HYDIN: variants seen among roughly 807,000 people sequenced by gnomAD.
HYDIN encodes the protein axonemal central pair apparatus protein HYDIN.
Under a neutral mutation model 403.9 loss-of-function variants are expected in HYDIN, and 132 were observed. The ratio of observed to expected loss-of-function variants is 0.33; its 90% confidence interval spans 0.28 to 0.38. The LOEUF (loss-of-function observed/expected upper bound fraction) is 0.38. Among genes scored for constraint, HYDIN ranks in the 10% least tolerant of loss-of-function variants. The probability of loss-of-function intolerance (pLI) is 1.00; values close to 1 mark genes in which losing one functional copy is unlikely to be tolerated. For missense variants in HYDIN, 2,827 were observed against 5,009.5 expected (o/e 0.56, Z 13.15); for synonymous variants, 1,202 against 1,891.7 (o/e 0.64, Z 9.46).
chr16:71,113,752 C>T (rs1167082600), intron 10 of HYDIN: 1 of 152,016 alleles, frequency 6.6e-6, no homozygotes, highest in African/African-American at 2.4e-5. Flanking sequence ...TACCACCACA[C>T]TTGATTAAGT....
rs528317948 is a variant in HYDIN, at chr16:71,012,962, C to T, written c.3644+5167G>A. On this transcript the variant is annotated intron_variant, in intron 23 of 85. Coordinates refer to ENST00000393567, the MANE Select transcript of HYDIN (RefSeq NM_001270974.2). ...CTCAAGCCAGGTATGAAATGATCTC[C>T]TTCTCTCTACAAATACCCAGGTGGG... is the stretch of plus-strand genomic sequence containing the variant. Among the ~76,000 whole-genome samples the T allele has an allele frequency of 1.3e-5, 2 of 148,222 alleles. 1 individual carries two copies. Among genetic ancestry groups the T allele is most frequent in the South Asian group, 4.5e-4 (2 of 4,396 alleles).
At chr16:71,118,722 G>A (rs2084145543) in intron 9 of HYDIN, among the ~76,000 whole-genome samples, 1 of 150,756 alleles carries the variant, frequency 6.6e-6, no homozygotes, top group African/African-American at 2.4e-5. Context: ...TAAATATCTG[G>A]CCCCTTTTGA....
At chr16:70,808,363 T>C (rs117683195) in intron 85 of HYDIN, among the ~76,000 whole-genome samples, 3 of 152,148 alleles carry the variant, frequency 2.0e-5, no homozygotes, top group African/African-American at 7.2e-5. Context: ...GTTCTTTCCT[T>C]CCATGTACAT....
intron 7 of HYDIN, among the ~76,000 whole-genome samples, chr16:71,140,843 A>G (rs2144547430): frequency 6.6e-6 from 1 of 151,874 alleles, no homozygotes; most frequent in African/African-American, 2.4e-5. Flanking sequence ...ATAACAATGT[A>G]AAATTTCTGA....
rs754565977 is a variant in HYDIN at position 70,974,024 on chromosome 16, G to A, written c.5038-4C>T. 1.8e-5 allele frequency: 14 copies of A among 757,194 alleles called. No individual in the cohort carries two copies. Among genetic ancestry groups the A allele is most frequent in the Non-Finnish European group, 2.9e-5 (14 of 485,896 alleles). 46.9% of individuals were successfully genotyped at this position (757,194 alleles called of 1,614,324 possible). A position where few individuals can be genotyped will look rare whatever the true frequency, so the allele number is the denominator to read the frequency against. ...GAACTGTTGGCCCTCCAACCACCTAGAGAGGGTATAAACTGCAGTTATCAT... is the reference window on the plus strand; with the variant it reads ...GAACTGTTGGCCCTCCAACCACCTAAAGAGGGTATAAACTGCAGTTATCAT... On this transcript the variant is annotated splice_polypyrimidine_tract_variant and splice_region_variant and intron_variant, in intron 33 of 85. Coordinates refer to ENST00000393567, the MANE Select transcript of HYDIN (RefSeq NM_001270974.2).
chr16:71,012,475 T>A (rs2080119977), intron 23 of HYDIN, among the ~76,000 whole-genome samples: 1 of 152,240 alleles, frequency 6.6e-6, no homozygotes, highest in Non-Finnish European at 1.5e-5. Flanking sequence ...TCTTTGTTCT[T>A]AGATGTGACA....
chr16:70,855,580 T>C (rs1174540474), intron 72 of HYDIN, among the ~76,000 whole-genome samples: 4 of 152,242 alleles, frequency 2.6e-5, no homozygotes, highest in African/African-American at 9.6e-5. Context: ...AATGCCTTCC[T>C]GAATTTGTTA....
intron 1 of HYDIN, among the ~76,000 whole-genome samples, chr16:71,210,953 T>C (rs1205703922): frequency 6.6e-6 from 1 of 151,954 alleles, no homozygotes; most frequent in Non-Finnish European, 1.5e-5. Flanking sequence ...GTATAATCTG[T>C]AAAAGAGATA....
chr16:71,230,000 G>A (rs1598086774), intron 1 of HYDIN, among the ~76,000 whole-genome samples: 1 of 152,236 alleles, frequency 6.6e-6, no homozygotes, highest in African/African-American at 2.4e-5. Context: ...TTTATAAAGG[G>A]GAGGTTCCCC....
intron 83 of HYDIN, among the ~76,000 whole-genome samples, chr16:70,819,845 T>C: frequency 6.6e-6 from 1 of 152,170 alleles, no homozygotes. Context: ...TCTTGCTCTG[T>C]CACCCGGACT....
intron 1 of HYDIN, among the ~76,000 whole-genome samples, chr16:71,193,737 C>T (rs753424121): frequency 8.5e-5 from 13 of 152,120 alleles, no homozygotes; most frequent in Admixed American, 1.3e-4. Flanking sequence ...GGGACGTGTA[C>T]GTGTCACATT....
chr16:71,058,768 G>A (rs888883683), intron 18 of HYDIN, among the ~76,000 whole-genome samples: 5 of 152,038 alleles, frequency 3.3e-5, no homozygotes, highest in African/African-American at 1.2e-4. Flanking sequence ...TGAACAACAT[G>A]AGTTTGAACG....
intron 66 of HYDIN, 136 bp from the exon 67 acceptor site, chr16:70,866,465 G>A (rs2039760363): frequency 1.9e-5 from 13 of 680,022 alleles, no homozygotes; most frequent in Non-Finnish European, 2.9e-5. Context: ...ATAAAGTCCT[G>A]GTGGATCACT....
chr16:70,958,571 G>C (rs1454990664), intron 39 of HYDIN, among the ~76,000 whole-genome samples: 1 of 151,990 alleles, frequency 6.6e-6, no homozygotes, highest in Non-Finnish European at 1.5e-5. Context: ...TGTGTAGGGG[G>C]TCTTCAAAAC....
At chr16:71,000,778 T>C (rs71403817) in intron 23 of HYDIN, among the ~76,000 whole-genome samples, 46 of 151,984 alleles carry the variant, frequency 3.0e-4, no homozygotes, top group Middle Eastern at 3.4e-3. Flanking sequence ...GAAGAGGAGA[T>C]TCTAGATGAA....
chr16:71,064,622 G>C, intron 16 of HYDIN, 83 bp downstream of exon 16: 1 of 1,241,392 alleles, frequency 8.1e-7, no homozygotes, highest in South Asian at 1.5e-5. Context: ...TCAGGAATGT[G>C]GCACTTCAGA....
intron 8 of HYDIN, among the ~76,000 whole-genome samples, chr16:71,130,644 C>T (rs12102828): frequency 0.047 from 7,154 of 151,206 alleles, 508 homozygotes; most frequent in African/African-American, 0.16. Flanking sequence ...CCCGCCACCG[C>T]GCCCGGCTAA....
Position 70,843,495 on chromosome 16 carries a change from A to G in HYDIN, c.12874-3262T>C, listed in dbSNP as rs1290628159. 2.2e-5 allele frequency among the ~76,000 whole-genome samples: 3 copies of G among 136,898 alleles called. 1 individual carries two copies. The highest frequency in any genetic ancestry group is 1.0e-4 in the African/African-American group (3 of 30,094). The allele number at this position is 136,898 out of a possible 152,430, so 89.8% of individuals were successfully genotyped here. On this transcript the variant is annotated intron_variant, in intron 75 of 85. Coordinates refer to ENST00000393567, the MANE Select transcript of HYDIN (RefSeq NM_001270974.2). ...CTTTGCTATTGTGAATAATGCTGCA[A>G]TAAACATACGTGTGCGTGTGTCTTT... is the stretch of plus-strand genomic sequence containing the variant.
At chr16:71,154,196 G>A (rs2085661059) in intron 6 of HYDIN, among the ~76,000 whole-genome samples, 1 of 149,580 alleles carries the variant, frequency 6.7e-6, no homozygotes, top group Admixed American at 6.7e-5. Context: ...GCTCCCTACT[G>A]TGAGCAATTG....
Sources: gnomAD v4.1 joint callset for allele counts (sites outside exome capture counted in the v4.1 genomes callset) on GRCh38, gnomAD v4.1.1 for gene constraint, MANE v1.5 for transcripts, NCBI Gene and HGNC (gene_info 2026-07-23, HGNC 2026-07-21) for gene names.